Variants in BTBD9 observed in about 807,000 individuals in gnomAD.
BTBD9 encodes BTB domain containing 9.
In BTBD9, 49 loss-of-function variants were observed where a neutral mutation model predicts 64.3. The ratio of observed to expected loss-of-function variants is 0.76; its 90% CI spans 0.61 to 0.97. The LOEUF (loss-of-function observed/expected upper bound fraction) is 0.97. Ranked by LOEUF, BTBD9 falls within the 50% of genes least tolerant of loss-of-function variation. The probability of loss-of-function intolerance (pLI) is 0.00; values close to 1 mark genes in which losing one functional copy is unlikely to be tolerated. For synonymous variants in BTBD9, 260 were observed against 274.7 expected, an observed-to-expected ratio of 0.95 and a Z score of 0.53; for missense variants, 598 against 762.1, an observed-to-expected ratio of 0.78 and a Z score of 2.53.
chr6:38,434,335 C>A (rs565738222), intron 6 of BTBD9, among the ~76,000 whole-genome samples: 5 of 152,028 alleles, frequency 3.3e-5, no homozygotes, highest in African/African-American at 9.7e-5. Context: ...TTCAAAGGAA[C>A]CTTGGTCTCC....
intron 6 of BTBD9, among the ~76,000 whole-genome samples, chr6:38,470,671 C>T (rs1770609409): frequency 1.3e-5 from 2 of 152,216 alleles, no homozygotes; most frequent in African/African-American, 4.8e-5. Context: ...GAAGAACTGG[C>T]CTTCTCAACA....
chr6:38,603,294 T>C (rs907572373), intron 1 of BTBD9, among the ~76,000 whole-genome samples: 1 of 152,206 alleles, frequency 6.6e-6, no homozygotes, highest in Non-Finnish European at 1.5e-5. Flanking sequence ...AACTATACTA[T>C]TTTTCTTGGC....
intron 6 of BTBD9, among the ~76,000 whole-genome samples, chr6:38,362,456 A>G (rs1273944161): frequency 6.6e-6 from 1 of 152,248 alleles, no homozygotes. Context: ...AACAAATGGT[A>G]ATCATTGTAA....
At chr6:38,454,265 G>A (rs780056067) in intron 6 of BTBD9, among the ~76,000 whole-genome samples, 17 of 151,956 alleles carry the variant, frequency 1.1e-4, no homozygotes, top group Non-Finnish European at 2.1e-4. Context: ...CTTAAAAAAC[G>A]GGGGAAATAT....
At chr6:38,279,564 G>T (rs1421075354) in intron 8 of BTBD9, among the ~76,000 whole-genome samples, 1 of 152,116 alleles carries the variant, frequency 6.6e-6, no homozygotes, top group East Asian at 1.9e-4. Context: ...CAATTTGCTT[G>T]AAGTCCTATG....
intron 4 of BTBD9, among the ~76,000 whole-genome samples, chr6:38,586,995 T>G (rs1342534529): frequency 1.3e-5 from 2 of 151,090 alleles, no homozygotes; most frequent in Non-Finnish European, 2.9e-5. Context: ...CCCAGGAGGC[T>G]GAGGTTGCAG....
chr6:38,192,917 A>T (rs1276221082), intron 9 of BTBD9, among the ~76,000 whole-genome samples: 2 of 70,840 alleles, frequency 2.8e-5, no homozygotes, highest in African/African-American at 1.1e-4. Context: ...GGGTGGGGGG[A>T]GGGGGGAGGG....
intron 8 of BTBD9, among the ~76,000 whole-genome samples, chr6:38,284,554 C>A (rs1261631657): frequency 6.6e-6 from 1 of 152,112 alleles, no homozygotes; most frequent in Non-Finnish European, 1.5e-5. Context: ...TGTTGTACCC[C>A]CTCCCCCCAG....
At chr6:38,429,005 G>A (rs964173395) in intron 6 of BTBD9, among the ~76,000 whole-genome samples, 4 of 151,386 alleles carry the variant, frequency 2.6e-5, no homozygotes, top group African/African-American at 7.3e-5. Context: ...CACTGCGCCC[G>A]GCCCCAGAAT....
intron 1 of BTBD9, among the ~76,000 whole-genome samples, chr6:38,626,901 T>C (rs1270299444): frequency 2.0e-5 from 3 of 152,206 alleles, no homozygotes; most frequent in Non-Finnish European, 4.4e-5. Flanking sequence ...TTAACCTTCC[T>C]TAAAAAACTC....
chr6:38,374,058 G>A (rs1765532442), intron 6 of BTBD9, among the ~76,000 whole-genome samples: 1 of 151,064 alleles, frequency 6.6e-6, no homozygotes, highest in South Asian at 2.1e-4. Context: ...ATCACTTGAG[G>A]TCAGGAGTTC....
chr6:38,210,539 TGTGTGTG>T (rs1762797421), intron 9 of BTBD9, among the ~76,000 whole-genome samples: 1 of 12,034 alleles, frequency 8.3e-5, no homozygotes, highest in Admixed American at 6.7e-4. Context: ...CGTGTGTTTG[TGTGTGTG>T]TGTGTGTGTG....
chr6:38,429,184 G>A (rs1215564051), intron 6 of BTBD9, among the ~76,000 whole-genome samples: 1 of 151,296 alleles, frequency 6.6e-6, no homozygotes, highest in Non-Finnish European at 1.5e-5. Context: ...GCTGGGCATG[G>A]TGGCTCACGC....
At chr6:38,203,174 G>C (rs1052301990) in intron 9 of BTBD9, among the ~76,000 whole-genome samples, 3 of 152,072 alleles carry the variant, frequency 2.0e-5, no homozygotes, top group Admixed American at 2.0e-4. Flanking sequence ...AAAAATAATA[G>C]ATGTTGGTAA....
chr6:38,318,558 G>C (rs1163893956), intron 7 of BTBD9, among the ~76,000 whole-genome samples: 1 of 152,196 alleles, frequency 6.6e-6, no homozygotes, highest in Admixed American at 6.5e-5. Flanking sequence ...ATAAGATCCA[G>C]AAGAATTCTC....
chr6:38,423,585 T>G (rs1457024639), intron 6 of BTBD9, among the ~76,000 whole-genome samples: 1 of 152,138 alleles, frequency 6.6e-6, no homozygotes, highest in African/African-American at 2.4e-5. Context: ...ATTACAGGTG[T>G]GAGCAACTGT....
rs145475601 is a variant in BTBD9, at chr6:38,435,942, T to C, written c.1155-90849A>G. 5.2e-3 allele frequency among the ~76,000 whole-genome samples: 784 copies of C among 151,754 alleles called. 19 individuals carry two copies. Among genetic ancestry groups the C allele is most frequent in the African/African-American group, 0.018 (725 of 41,122 alleles). ...CCTTGGCCTCCCAAAGTGCTGGGATTACAGGTATGAGCCACCTCACCCAGC... is the reference window on the plus strand; with the variant it reads ...CCTTGGCCTCCCAAAGTGCTGGGATCACAGGTATGAGCCACCTCACCCAGC... On this transcript the variant is annotated intron_variant, in intron 6 of 10. Coordinates refer to ENST00000481247, the MANE Select transcript of BTBD9 (RefSeq NM_001099272.2).
chr6:38,372,687 T>C (rs558120423), intron 6 of BTBD9, among the ~76,000 whole-genome samples: 38 of 152,338 alleles, frequency 2.5e-4, no homozygotes, highest in Admixed American at 1.4e-3. Flanking sequence ...CTAGAATGGC[T>C]GTTCAGACCT....
intron 3 of BTBD9, 89 bp from the exon 4 acceptor site, chr6:38,592,929 T>A: frequency 7.4e-7 from 1 of 1,345,808 alleles, no homozygotes; most frequent in Non-Finnish European, 1.0e-6. Context: ...CAAGTATAAC[T>A]TAGCCAATTA....
Sources: allele counts gnomAD v4.1 joint callset (sites outside exome capture counted in the v4.1 genomes callset), GRCh38; gene constraint gnomAD v4.1.1; transcripts MANE v1.5; gene names NCBI Gene and HGNC (gene_info 2026-07-23, HGNC 2026-07-21).